The following UCKL1 variants were observed in gnomAD, a reference collection of about 807,000 sequenced individuals.
UCKL1 encodes the protein uridine-cytidine kinase-like 1.
UCKL1 carries 65 observed loss-of-function variants against 59.2 expected under a neutral mutation model. The observed-to-expected ratio is 1.10, with a 90% CI of 0.90 to 1.35. The LOEUF is 1.35. Ranked by LOEUF, UCKL1 falls within the 40% of genes most tolerant of loss-of-function variation. UCKL1 has a pLI of 0.00. For synonymous variants in UCKL1, 410 were observed against 323.1 expected (o/e 1.27, Z -2.88); for missense variants, 703 against 784.3 (o/e 0.90, Z 1.24).
chr20:63,949,842 T>G (rs1345908185), intron 1 of UCKL1, among the ~76,000 whole-genome samples: 1 of 152,210 alleles, frequency 6.6e-6, no homozygotes, highest in East Asian at 1.9e-4. Flanking sequence ...CCATGCACCC[T>G]GGATTCCGAG....
Position 63,944,720 on chromosome 20 carries a change from C to A in UCKL1, c.669G>T (p.Lys223Asn). 6.2e-7 allele frequency: 1 copy of A among 1,612,702 alleles called. No homozygotes were observed. Among genetic ancestry groups the A allele is most frequent in the Non-Finnish European group, 8.5e-7 (1 of 1,179,944 alleles). The change falls in exon 6 of 15, where the codon AAG becomes AAT. Residue 223 changes from lysine to asparagine, a missense_variant. By Grantham distance (94) the Lys-to-Asn change is moderately conservative. This residue lies in a region of UCKL1 where 398 missense variants were observed against 373.0 expected (regional missense o/e 1.07). Transcript: ENST00000354216. ...TGTCGGAGTCTGTGTCCACAAAGAT[C>A]TTCATGTCCAGGAGCTGGTGGAGAC... ...DKTLLELLDM[K>N]IFVDTDSDIR... is the part of the protein sequence containing the mutation.
At chr20:63,945,763 C>T (rs2056002406) in intron 4 of UCKL1, 41 bp from the exon 5 acceptor site, 2 of 1,612,816 alleles carry the variant, frequency 1.2e-6, no homozygotes, top group Non-Finnish European at 1.7e-6. Flanking sequence ...GGCTCATGTG[C>T]CTGCAGCCCC....
chr20:63,951,297 C>T lies in UCKL1; in HGVS notation c.114-4654G>A, dbSNP rs2057546738. 7.9e-6 allele frequency: 6 copies of T among 759,814 alleles called. No individual in the cohort carries two copies. The South Asian group carries it at 3.6e-4, about 45-fold the overall frequency. The allele number at this position is 759,814 out of a possible 1,614,324, so 47.1% of individuals were successfully genotyped here. A position where few individuals can be genotyped will look rare whatever the true frequency, so the allele number is the denominator to read the frequency against. ...TGAACTGCCCCCTCCTGTGTGTGGG[C>T]TGGCACATTCGGCCAGCCTAGGACC... On this transcript the variant is annotated intron_variant, in intron 1 of 14. Transcript: ENST00000354216.
At chr20:63,951,473 C>T (rs2057582739) in intron 1 of UCKL1, among the ~76,000 whole-genome samples, 1 of 152,166 alleles carries the variant, frequency 6.6e-6, no homozygotes, top group African/African-American at 2.4e-5. Flanking sequence ...GCCAGGTGTC[C>T]TGAACGTCAG....
intron 8 of UCKL1, 36 bp downstream of exon 8, chr20:63,943,617 T>C: frequency 6.2e-7 from 1 of 1,612,430 alleles, no homozygotes; most frequent in Non-Finnish European, 8.5e-7. Context: ...GTGTTGGAAG[T>C]GCCTCCATCT....
Position 63,940,651 on chromosome 20 carries a change from T to C in UCKL1, c.1245A>G (p.Lys415=). Residue 415 remains lysine (K), a synonymous_variant, in exon 12 of 15, where the codon AAA becomes AAG. Coordinates refer to ENST00000354216, the MANE Select transcript of UCKL1 (RefSeq NM_017859.4). ...TGAGGATGGTGCCGATGCGCACGTC[T>C]TTGCACACAGCGCGCAGCGCGGGCT... is the stretch of plus-strand genomic sequence containing the variant. ...TMEPALRAVC[K]DVRIGTILIQ... is the part of the protein sequence containing the mutation. 6.2e-7 allele frequency: 1 copy of C among 1,610,346 alleles called. No homozygotes were observed. The highest frequency in any genetic ancestry group is 1.3e-5 in the African/African-American group (1 of 75,040).
chr20:63,941,679 G>T, intron 8 of UCKL1: 1 of 215,154 alleles, frequency 4.6e-6, no homozygotes. Flanking sequence ...GAGGGGGGTG[G>T]GGGGCAAAGC....
At chr20:63,943,545 G>A (rs899867193) in intron 8 of UCKL1, 108 bp downstream of exon 8, 9 of 1,540,380 alleles carry the variant, frequency 5.8e-6, no homozygotes, top group Admixed American at 1.7e-5. Flanking sequence ...CACCCCTTCT[G>A]TGACTGGGGA....
chr20:63,950,534 C>G (rs1268954505), intron 1 of UCKL1, among the ~76,000 whole-genome samples: 4 of 152,228 alleles, frequency 2.6e-5, no homozygotes, highest in African/African-American at 9.6e-5. Flanking sequence ...TTAATTCCAA[C>G]CCGGAGGGTT....
Position 63,941,067 on chromosome 20 carries a change from G to A in UCKL1, c.1023-24C>T, listed in dbSNP as rs946891280. On this transcript the variant is annotated intron_variant, in intron 9 of 14. Coordinates refer to ENST00000354216, the MANE Select transcript of UCKL1 (RefSeq NM_017859.4). ...CCCTGTGGGGCCAACAGTTGAGCGG[G>A]AGCACGCGCCCGGGGCCGCCCCGTC... is the stretch of plus-strand genomic sequence containing the variant. 2.5e-6 allele frequency: 4 copies of A among 1,599,864 alleles called. 1 individual carries two copies. Among genetic ancestry groups the A allele is most frequent in the Middle Eastern group, 3.3e-4 (2 of 6,024 alleles).
At chr20:63,949,792 G>A (rs192052514) in intron 1 of UCKL1, among the ~76,000 whole-genome samples, 1 of 152,362 alleles carries the variant, frequency 6.6e-6, no homozygotes, top group African/African-American at 2.4e-5. Context: ...GCTCCCCAGC[G>A]AAGCTCCCAG....
intron 1 of UCKL1, chr20:63,951,268 G>A (rs1049266877): frequency 1.4e-4 from 125 of 916,090 alleles, no homozygotes; most frequent in Non-Finnish European, 1.6e-4. Context: ...GCCAGCCCTC[G>A]GTGTGAACTG....
intron 1 of UCKL1, chr20:63,953,928 G>A (rs1175805427): frequency 6.6e-6 from 1 of 152,554 alleles, no homozygotes; most frequent in Non-Finnish European, 1.5e-5. Flanking sequence ...CACCCCTGGG[G>A]TCACCATCGC....
chr20:63,943,699 G>A lies in UCKL1; in HGVS notation c.907-30C>T, dbSNP rs375281656. ...GGCAGCAACACAGGAAGACACAAGGGAACGGTGGCGCGTCAGTGACCAGGG... is the reference window on the plus strand; with the variant it reads ...GGCAGCAACACAGGAAGACACAAGGAAACGGTGGCGCGTCAGTGACCAGGG... On this transcript the variant is annotated intron_variant, in intron 7 of 14. Coordinates refer to ENST00000354216, the MANE Select transcript of UCKL1 (RefSeq NM_017859.4). 1.7e-5 allele frequency: 27 copies of A among 1,612,378 alleles called. No individual in the cohort carries two copies. The African/African-American group carries it at 3.5e-4, about 21-fold the overall frequency.
chr20:63,942,403 G>C (rs1004348294), intron 8 of UCKL1: 9 of 1,173,842 alleles, frequency 7.7e-6, no homozygotes, highest in Non-Finnish European at 9.6e-6. Context: ...GGGCCTAGCG[G>C]GAGCAGCGGG....
rs1443666877 is a variant in UCKL1 at position 63,941,002 on chromosome 20, T to C, written c.1064A>G (p.Lys355Arg). ...TSRDEFIFYS[K>R]RLMRLLIEHA... ...CTCGATGAGCAGCCGCATCAGTCTC[T>C]TGGAGTAGAAGATGAACTCGTCGCG... Residue 355 changes from lysine (K) to arginine (R), a missense_variant, in exon 10 of 15, where the codon AAG becomes AGG. By Grantham distance (26) the Lys-to-Arg change is conservative (BLOSUM62 2). Transcript: ENST00000354216. 1 of 1,545,200 alleles carries C rather than the reference T, an allele frequency of 6.5e-7. No homozygotes were observed. The highest frequency in any genetic ancestry group is 2.3e-5 in the East Asian group (1 of 43,998).
At chr20:63,943,507 C>T (rs925954469) in intron 8 of UCKL1, 146 bp downstream of exon 8, 1 of 1,173,724 alleles carries the variant, frequency 8.5e-7, no homozygotes, top group Non-Finnish European at 1.2e-6. Flanking sequence ...CAAGGGGAGG[C>T]AGAAGCAGGG....
At position 63,956,357 on chromosome 20, in the gene UCKL1, C is replaced by G. The variant is rs367628856; in HGVS notation, c.16G>C (p.Ala6Pro). Residue 6 changes from alanine to proline, a missense_variant, in exon 1 of 15, where the codon GCC (alanine) becomes CCC (proline). Around this residue, in one of 4 missense-constraint regions of UCKL1, gnomAD observed 398 missense variants for 373.0 expected, o/e 1.07. Coordinates refer to ENST00000354216, the MANE Select transcript of UCKL1 (RefSeq NM_017859.4). ...GGCGAAGGATCAGCGTCCGCGCGGG[C>G]CGGGGGCGCAGCCATGGCGCTCGGA... MAAPP[A>P]RADADPSPTS... 12 of 1,531,648 alleles carry G rather than the reference C, an allele frequency of 7.8e-6. No homozygotes were observed. The highest frequency in any genetic ancestry group is 4.1e-5 in the Admixed American group (2 of 49,138). 94.9% of individuals were successfully genotyped at this position (1,531,648 alleles called of 1,614,324 possible).
chr20:63,951,018 TG>T, intron 1 of UCKL1: 1 of 1,271,370 alleles, frequency 7.9e-7, no homozygotes, highest in Non-Finnish European at 9.9e-7. Flanking sequence ...GGCAGCACAG[TG>T]GGTGCAGAGC....
Sources: allele counts gnomAD v4.1 joint callset (sites outside exome capture counted in the v4.1 genomes callset), GRCh38; gene constraint gnomAD v4.1.1; regional missense constraint gnomAD v4.1.1; transcripts MANE v1.5; gene names NCBI Gene and HGNC (gene_info 2026-07-23, HGNC 2026-07-21).